GNGT1: variants seen among roughly 807,000 people sequenced by gnomAD.
GNGT1 encodes guanine nucleotide-binding protein G(T) subunit gamma-T1.
In GNGT1, 4 loss-of-function variants were observed where a neutral mutation model predicts 7.4. That is an observed-to-expected ratio of 0.54 (90% confidence interval 0.27 to 1.24). GNGT1 has a LOEUF of 1.24. GNGT1 is among the 50% of genes most tolerant of loss of function. GNGT1 has a pLI of 0.12. For missense variants in GNGT1, 95 were observed against 82.4 expected (o/e 1.15, Z -0.59); for synonymous variants, 37 against 30.2 (o/e 1.23, Z -0.74).
chr7:93,909,176 C>T (rs1032274322), intron 2 of GNGT1, among the ~76,000 whole-genome samples: 5 of 152,070 alleles, frequency 3.3e-5, no homozygotes, highest in African/African-American at 1.2e-4. Context: ...TGTAATAGGC[C>T]ATGACTAAAG....
At chr7:93,909,676 A>G (rs1366234242) in intron 2 of GNGT1, 5 of 503,244 alleles carry the variant, frequency 9.9e-6, no homozygotes, top group Non-Finnish European at 1.8e-5. Flanking sequence ...TGAATCTGCA[A>G]GTATCATCCT....
chr7:93,910,126 T>G (rs1368185266), intron 2 of GNGT1: 1 of 152,248 alleles, frequency 6.6e-6, no homozygotes, highest in African/African-American at 2.4e-5. Flanking sequence ...GATTTTTTAC[T>G]AAATCATTAA....
chr7:93,911,053 T>G lies in GNGT1; in HGVS notation c.*135T>G. Reference sequence around the variant, plus strand: ...TTTTAAATTTATAGATGTAAACTTTTAATAAAAATTGGGGTGTGGTAACCC... The same window carrying G: ...TTTTAAATTTATAGATGTAAACTTTGAATAAAAATTGGGGTGTGGTAACCC... On this transcript the variant is annotated 3_prime_UTR_variant, in exon 3 of 3. Coordinates refer to ENST00000248572, the MANE Select transcript of GNGT1 (RefSeq NM_021955.5). 1.9e-6 allele frequency: 1 copy of G among 514,404 alleles called. No homozygotes were observed. The highest frequency in any genetic ancestry group is 4.9e-5 in the South Asian group (1 of 20,254). 31.9% of individuals were successfully genotyped at this position (514,404 alleles called of 1,614,324 possible). A position where few individuals can be genotyped will look rare whatever the true frequency, so the allele number is the denominator to read the frequency against.
At position 93,911,248 on chromosome 7, in the gene GNGT1, C is replaced by CT. The variant is rs546064957; in HGVS notation, c.*332dup. ...ATGTTTTTTCACTTCCCTTTCAACA[C>CT]TTACAATTTTCTACCCAGAAATTGT... is the stretch of plus-strand genomic sequence containing the variant. On this transcript the variant is annotated 3_prime_UTR_variant, in exon 3 of 3. Transcript: ENST00000248572. 17 of 154,312 alleles carry CT rather than the reference C, an allele frequency of 1.1e-4. No homozygotes were observed. Among genetic ancestry groups the CT allele is most frequent in the African/African-American group, 4.1e-4 (17 of 41,630 alleles). The allele number at this position is 154,312 out of a possible 1,614,324, so 9.6% of individuals were successfully genotyped here.
chr7:93,906,846 A>T lies in GNGT1; in HGVS notation c.96+4A>T, dbSNP rs768926345. On this transcript the variant is annotated splice_donor_region_variant and intron_variant, in intron 2 of 2. Transcript: ENST00000248572. The stretch of plus-strand genomic sequence containing the variant: ...AGTGACACTGGAAAGAATGCTAGTA[A>T]GTTGCTGCTTTCTTTAGTATTTTAT... 2 of 1,529,644 alleles carry T rather than the reference A, an allele frequency of 1.3e-6. No individual in the cohort carries two copies. The highest frequency in any genetic ancestry group is 1.2e-5 in the South Asian group (1 of 85,602). 94.8% of individuals were successfully genotyped at this position (1,529,644 alleles called of 1,614,324 possible). A position where few individuals can be genotyped will look rare whatever the true frequency, so the allele number is the denominator to read the frequency against.
Position 93,906,611 on chromosome 7 carries a change from G to A in GNGT1, c.-45G>A, listed in dbSNP as rs1388858677. 9 of 643,244 alleles carry A rather than the reference G, an allele frequency of 1.4e-5. No individual in the cohort carries two copies. The highest frequency in any genetic ancestry group is 2.5e-5 in the Non-Finnish European group (9 of 362,876). The allele number at this position is 643,244 out of a possible 1,614,324, so 39.8% of individuals were successfully genotyped here. ...GCTCATATGAAATTGGTTATCGTGG[G>A]ATATTTAAAATAAAACAAAGAACAG... On this transcript the variant is annotated 5_prime_UTR_variant, in exon 1 of 3. Coordinates refer to ENST00000248572, the MANE Select transcript of GNGT1 (RefSeq NM_021955.5).
intron 2 of GNGT1, 29 bp downstream of exon 2, chr7:93,906,871 T>C: frequency 3.0e-6 from 4 of 1,336,496 alleles, no homozygotes; most frequent in Non-Finnish European, 4.2e-6. Flanking sequence ...TAGTATTTTA[T>C]TTTAAGCTAG....
intron 2 of GNGT1, 184 bp from the exon 3 acceptor site, chr7:93,910,606 T>TC: frequency 3.1e-6 from 1 of 320,474 alleles, no homozygotes. Context: ...TGGAGATATA[T>TC]CCAGAAGGAG....
At chr7:93,909,493 G>C (rs1794427075) in intron 2 of GNGT1, 1 of 702,168 alleles carries the variant, frequency 1.4e-6, no homozygotes, top group Admixed American at 2.0e-5. Context: ...ATCCCAGCCA[G>C]GCACCTTCAA....
chr7:93,910,451 G>C (rs145914089), intron 2 of GNGT1: 28 of 155,932 alleles, frequency 1.8e-4, no homozygotes, highest in Middle Eastern at 6.5e-3. Context: ...TGAGGAAAAA[G>C]ATTTAATCAA....
chr7:93,909,355 G>T, intron 2 of GNGT1: 1 of 517,450 alleles, frequency 1.9e-6, no homozygotes, highest in South Asian at 3.5e-5. Context: ...GCTAGTAAAT[G>T]AGAAGAGTCT....
At chr7:93,910,155 A>G (rs1053952269) in intron 2 of GNGT1, 1 of 152,266 alleles carries the variant, frequency 6.6e-6, no homozygotes, top group South Asian at 2.1e-4. Flanking sequence ...GGTGCAGATA[A>G]GTGAAGAGCA....
chr7:93,909,151 A>G (rs1378167273), intron 2 of GNGT1, among the ~76,000 whole-genome samples: 2 of 152,184 alleles, frequency 1.3e-5, no homozygotes, highest in Admixed American at 1.3e-4. Flanking sequence ...TAGATTTGCA[A>G]TGACTATAAG....
intron 2 of GNGT1, chr7:93,910,387 A>T (rs1217999465): frequency 6.5e-6 from 1 of 152,868 alleles, no homozygotes; most frequent in Non-Finnish European, 1.5e-5. Flanking sequence ...GTGATAAGCC[A>T]GGAATTTAAT....
At chr7:93,909,510 T>C (rs1023144324) in intron 2 of GNGT1, 86 of 702,322 alleles carry the variant, frequency 1.2e-4, no homozygotes, top group Non-Finnish European at 1.9e-4. Flanking sequence ...TCAAAACCAA[T>C]CCCTTATGGA....
At chr7:93,908,405 T>C (rs1198772168) in intron 2 of GNGT1, among the ~76,000 whole-genome samples, 7 of 151,932 alleles carry the variant, frequency 4.6e-5, no homozygotes. Flanking sequence ...CATCAGCAGA[T>C]TCAGCGTCTG....
Position 93,910,839 on chromosome 7 carries a change from G to A in GNGT1, c.146G>A (p.Gly49Asp). The change falls in exon 3 of 3, where the codon GGC (glycine) becomes GAC (aspartate). Residue 49 changes from glycine to aspartate, a missense_variant. Gly to Asp is a moderately conservative substitution (Grantham distance 94). Transcript: ENST00000248572. ...AGAGATTACGTTGAAGAACGATCTG[G>A]CGAGGATCCACTGGTAAAGGGCATC... ...EVRDYVEERS[G>D]EDPLVKGIPE... 1 of 1,607,472 alleles carries A rather than the reference G, an allele frequency of 6.2e-7. No individual in the cohort carries two copies. The highest frequency in any genetic ancestry group is 8.5e-7 in the Non-Finnish European group (1 of 1,175,310).
intron 2 of GNGT1, chr7:93,909,345 G>A (rs932512480): frequency 7.9e-6 from 4 of 508,616 alleles, no homozygotes; most frequent in East Asian, 5.9e-5. Context: ...AGACTAAATA[G>A]CTAGTAAATG....
At chr7:93,907,327 T>C (rs1485749308) in intron 2 of GNGT1, among the ~76,000 whole-genome samples, 1 of 152,200 alleles carries the variant, frequency 6.6e-6, no homozygotes, top group Non-Finnish European at 1.5e-5. Flanking sequence ...CTTTTTATAA[T>C]GCAATATTTT....
Sources: allele counts gnomAD v4.1 joint callset (sites outside exome capture counted in the v4.1 genomes callset), GRCh38; gene constraint gnomAD v4.1.1; transcripts MANE v1.5; gene names NCBI Gene and HGNC (gene_info 2026-07-23, HGNC 2026-07-21).